The following ANKRD29 variants were observed in gnomAD, a reference collection of about 807,000 sequenced individuals.
ANKRD29 encodes the protein ankyrin repeat domain 29.
ANKRD29 carries 32 observed loss-of-function variants against 38.0 expected under a neutral mutation model. That is an observed-to-expected ratio of 0.84 (90% CI 0.64 to 1.13). The LOEUF (loss-of-function observed/expected upper bound fraction) is 1.13. ANKRD29 is among the 50% of genes most tolerant of loss of function. The probability of loss-of-function intolerance (pLI) is 0.00; values close to 1 mark genes in which losing one functional copy is unlikely to be tolerated. For synonymous variants in ANKRD29, 135 were observed against 152.4 expected, an observed-to-expected ratio of 0.89 and a Z score of 0.84; for missense variants, 357 against 377.9, an observed-to-expected ratio of 0.94 and a Z score of 0.46.
chr18:23,619,350 A>C (rs1438124852), intron 7 of ANKRD29, 181 bp downstream of exon 7: 5 of 613,228 alleles, frequency 8.2e-6, no homozygotes. Context: ...TCCCAAGGTC[A>C]TCTCGGGTGG....
intron 1 of ANKRD29, among the ~76,000 whole-genome samples, chr18:23,653,492 G>A (rs9956209): frequency 1.1e-4 from 17 of 152,170 alleles, no homozygotes; most frequent in African/African-American, 2.4e-4. Flanking sequence ...CTCGTGATCC[G>A]CCCATCTTGG....
chr18:23,634,745 A>G (rs1473459726), intron 4 of ANKRD29, among the ~76,000 whole-genome samples: 1 of 152,226 alleles, frequency 6.6e-6, no homozygotes, highest in Non-Finnish European at 1.5e-5. Flanking sequence ...GAAAATTCCT[A>G]TGCCAAATGC....
rs185921608 is a variant in ANKRD29, at chr18:23,638,933, G to A, written c.246C>T (p.Ala82=). The A allele has an allele frequency of 2.6e-5, 42 of 1,611,468 alleles. No homozygotes were observed. In the African/African-American group the frequency reaches 4.5e-4, roughly 17 times the overall value. ...INLQRESGTT[A]LFFAAQQGHN... ...GGCCTTGCTGGGCGGCAAAGAATAGGGCAGTTGTACCTGACTGGGAGAGAG... is the reference window on the plus strand; with the variant it reads ...GGCCTTGCTGGGCGGCAAAGAATAGAGCAGTTGTACCTGACTGGGAGAGAG... The change falls in exon 4 of 10, where the codon GCC becomes GCT. Residue 82 remains alanine (A), a synonymous_variant. Transcript: ENST00000592179.
At chr18:23,637,567 C>T (rs575629940) in intron 4 of ANKRD29, among the ~76,000 whole-genome samples, 81 of 147,936 alleles carry the variant, frequency 5.5e-4, no homozygotes, top group African/African-American at 1.9e-3. Context: ...CCAGCGAATC[C>T]TTTTTTTTTT....
intron 5 of ANKRD29, among the ~76,000 whole-genome samples, chr18:23,632,436 G>A (rs969822477): frequency 6.6e-6 from 1 of 151,250 alleles, no homozygotes; most frequent in African/African-American, 2.4e-5. Context: ...GAAATTTCTT[G>A]AGTCACCTTA....
intron 2 of ANKRD29, chr18:23,646,842 AT>A (rs1221434976): frequency 1.3e-5 from 2 of 152,554 alleles, no homozygotes; most frequent in Non-Finnish European, 2.9e-5. Flanking sequence ...ACTTGGACTC[AT>A]TTATTTCATT....
intron 2 of ANKRD29, chr18:23,646,907 A>T (rs1348746423): frequency 2.0e-5 from 3 of 152,550 alleles, no homozygotes; most frequent in Non-Finnish European, 4.4e-5. Context: ...CAGCTTTAAG[A>T]TTCAAGGACC....
chr18:23,630,513 C>T (rs992189369), intron 5 of ANKRD29, among the ~76,000 whole-genome samples: 4 of 151,942 alleles, frequency 2.6e-5, no homozygotes, highest in Non-Finnish European at 5.9e-5. Flanking sequence ...CCCAGGTACT[C>T]GGGAGGCTGA....
chr18:23,601,264 GCAATATACGTT>G lies in ANKRD29; in HGVS notation c.857_867del (p.Glu286AlafsTer6). The stretch of plus-strand genomic sequence containing the variant: ...GGACCTTCTTTACTTCTCAGGAGAC[GCAATATACGTT>G]CATTTTTGGTTAGTTCTGCCGGAAG... On this transcript the variant is annotated frameshift_variant, in exon 10 of 10. Coordinates refer to ENST00000592179, the MANE Select transcript of ANKRD29 (RefSeq NM_173505.4). LOFTEE classifies it high-confidence loss of function. 3 of 1,613,920 alleles carry G rather than the reference GCAATATACGTT, an allele frequency of 1.9e-6. No homozygotes were observed. Among genetic ancestry groups the G allele is most frequent in the Non-Finnish European group, 2.5e-6 (3 of 1,179,924 alleles).
Position 23,659,473 on chromosome 18 carries a change from G to A in ANKRD29, c.21+3237C>T, listed in dbSNP as rs540279772. 1.9e-4 allele frequency among the ~76,000 whole-genome samples: 29 copies of A among 152,248 alleles called. No homozygotes were observed. The South Asian group carries it at 5.8e-3, about 30-fold the overall frequency. On this transcript the variant is annotated intron_variant, in intron 1 of 9. Coordinates refer to ENST00000592179, the MANE Select transcript of ANKRD29 (RefSeq NM_173505.4). ...TATTTAACTTTTTGAGGCTGGGTGC[G>A]GTGGCTTATGCCTGTAATCCCAGCA... is the stretch of plus-strand genomic sequence containing the variant.
In ANKRD29 at chr18:23,645,560, C is replaced by T. The variant is rs1052399907; in HGVS notation, c.231+629G>A. 4.6e-5 allele frequency among the ~76,000 whole-genome samples: 7 copies of T among 152,074 alleles called. No homozygotes were observed. The South Asian group carries it at 8.3e-4, about 18-fold the overall frequency. On this transcript the variant is annotated intron_variant, in intron 3 of 9. Coordinates refer to ENST00000592179, the MANE Select transcript of ANKRD29 (RefSeq NM_173505.4). ...TTGCACTCCAGCCTGGGCCACAGGGCGAGACTCCATCTTAAAAAAAAGTCC... is the reference window on the plus strand; with the variant it reads ...TTGCACTCCAGCCTGGGCCACAGGGTGAGACTCCATCTTAAAAAAAAGTCC...
chr18:23,631,318 G>A (rs1216153327), intron 5 of ANKRD29, among the ~76,000 whole-genome samples: 1 of 151,120 alleles, frequency 6.6e-6, no homozygotes, highest in Non-Finnish European at 1.5e-5. Context: ...ACAGCTCAAT[G>A]CAGCGTCAAC....
At chr18:23,623,933 G>A (rs891166027) in intron 6 of ANKRD29, among the ~76,000 whole-genome samples, 13 of 151,630 alleles carry the variant, frequency 8.6e-5, no homozygotes, top group Admixed American at 2.0e-4. Context: ...GTTAGCCACC[G>A]CGTCTGGCGA....
intron 9 of ANKRD29, among the ~76,000 whole-genome samples, chr18:23,607,590 T>C (rs2059589423): frequency 6.6e-6 from 1 of 152,204 alleles, no homozygotes; most frequent in Non-Finnish European, 1.5e-5. Context: ...TTTCAAATCA[T>C]GTTGTCAAGT....
Position 23,601,076 on chromosome 18 carries a change from A to G in ANKRD29, c.*150T>C. The stretch of plus-strand genomic sequence containing the variant: ...GTTTGGTTCTTGACTTCGTGCACAG[A>G]GCGTAGCTCTTCTTTGTCAGGGACC... On this transcript the variant is annotated 3_prime_UTR_variant, in exon 10 of 10. Transcript: ENST00000592179. 1 of 668,898 alleles carries G rather than the reference A, an allele frequency of 1.5e-6. No homozygotes were observed. The highest frequency in any genetic ancestry group is 2.5e-6 in the Non-Finnish European group (1 of 397,290). The allele number at this position is 668,898 out of a possible 1,614,324, so 41.4% of individuals were successfully genotyped here.
rs776219319 is a variant in ANKRD29 at position 23,601,416 on chromosome 18, A to C, written c.823-107T>G. Reference sequence around the variant, plus strand: ...CTCTTTCTCCTTCACTAATGAAAAAAATCCACACTGGACTCACTCTTTTAT... The same window carrying C: ...CTCTTTCTCCTTCACTAATGAAAAACATCCACACTGGACTCACTCTTTTAT... On this transcript the variant is annotated intron_variant, in intron 9 of 9. Coordinates refer to ENST00000592179, the MANE Select transcript of ANKRD29 (RefSeq NM_173505.4). 6.4e-5 allele frequency: 51 copies of C among 796,390 alleles called. No individual in the cohort carries two copies. The East Asian group carries it at 9.4e-4, about 15-fold the overall frequency. The allele number at this position is 796,390 out of a possible 1,614,324, so 49.3% of individuals were successfully genotyped here. A position where few individuals can be genotyped will look rare whatever the true frequency, so the allele number is the denominator to read the frequency against.
intron 8 of ANKRD29, among the ~76,000 whole-genome samples, chr18:23,613,378 C>T (rs2059668840): frequency 6.6e-6 from 1 of 151,500 alleles, no homozygotes; most frequent in Non-Finnish European, 1.5e-5. Flanking sequence ...CGCCATGTTG[C>T]CTGGGCTGGT....
At chr18:23,619,452 A>T in intron 7 of ANKRD29, 79 bp downstream of exon 7, 1 of 1,345,738 alleles carries the variant, frequency 7.4e-7, no homozygotes, top group African/African-American at 1.5e-5. Context: ...TGTGGGCTGC[A>T]GACTCAGTCA....
rs1411858344 is a variant in ANKRD29, at chr18:23,622,613, C to G, written c.529-2984G>C. Among the ~76,000 whole-genome samples the G allele has an allele frequency of 2.6e-5, 4 of 152,214 alleles. No individual in the cohort carries two copies. In the East Asian group the frequency reaches 7.7e-4, roughly 29 times the overall value. On this transcript the variant is annotated intron_variant, in intron 6 of 9. Transcript: ENST00000592179. ...ATGGAGTCTTGCTCTGTTGCCCAGG[C>G]TGGAGTGCAGTGGTGCCATCTCAGA... is the stretch of plus-strand genomic sequence containing the variant.
Sources: allele counts gnomAD v4.1 joint callset (sites outside exome capture counted in the v4.1 genomes callset), GRCh38; gene constraint gnomAD v4.1.1; transcripts MANE v1.5; gene names NCBI Gene and HGNC (gene_info 2026-07-23, HGNC 2026-07-21).